The following TMEM108 variants were observed in gnomAD, a reference collection of about 807,000 sequenced individuals.
TMEM108 encodes the protein transmembrane protein 108, also known as cancer/testis antigen 124.
A neutral mutation model predicts 35.1 loss-of-function variants in TMEM108; 12 were observed. The ratio of observed to expected loss-of-function variants is 0.34; its 90% confidence interval spans 0.22 to 0.55. TMEM108 has a LOEUF of 0.55. Ranked by LOEUF, TMEM108 falls within the 20% of genes least tolerant of loss-of-function variation. The pLI is 0.89. For synonymous variants in TMEM108, 287 were observed against 308.6 expected, an observed-to-expected ratio of 0.93 and a Z score of 0.73; for missense variants, 680 against 753.3, an observed-to-expected ratio of 0.90 and a Z score of 1.14.
intron 3 of TMEM108, chr3:133,247,956 C>A (rs920059704): frequency 2.0e-5 from 3 of 152,100 alleles, no homozygotes; most frequent in Non-Finnish European, 4.4e-5. Flanking sequence ...AGCATAATTT[C>A]TTCTCTCCAA....
intron 2 of TMEM108, among the ~76,000 whole-genome samples, chr3:133,150,919 A>G (rs1944790646): frequency 6.6e-6 from 1 of 152,064 alleles, no homozygotes; most frequent in Non-Finnish European, 1.5e-5. Flanking sequence ...GGCTTATACA[A>G]CATTTCCTGG....
At chr3:133,278,193 T>G (rs1338312884) in intron 3 of TMEM108, among the ~76,000 whole-genome samples, 1 of 152,054 alleles carries the variant, frequency 6.6e-6, no homozygotes, top group Non-Finnish European at 1.5e-5. Flanking sequence ...ACATGGGAAG[T>G]AAAAGTAAAG....
chr3:133,131,443 T>TA, intron 2 of TMEM108, among the ~76,000 whole-genome samples: 1 of 150,736 alleles, frequency 6.6e-6, no homozygotes, highest in Middle Eastern at 3.4e-3. Flanking sequence ...ATTTTGGTAA[T>TA]ACAATATTTC....
intron 2 of TMEM108, among the ~76,000 whole-genome samples, chr3:133,212,670 C>T (rs376296606): frequency 6.6e-6 from 1 of 151,880 alleles, no homozygotes; most frequent in Non-Finnish European, 1.5e-5. Context: ...AGTTCAAGAC[C>T]AGCTTGGGCA....
intron 2 of TMEM108, among the ~76,000 whole-genome samples, chr3:133,223,889 A>C (rs978436712): frequency 6.6e-6 from 1 of 152,240 alleles, no homozygotes; most frequent in Non-Finnish European, 1.5e-5. Context: ...CCTAATTAAG[A>C]TTAATTTTTA....
chr3:133,385,442 G>A (rs952907860), intron 4 of TMEM108, among the ~76,000 whole-genome samples: 6 of 152,092 alleles, frequency 3.9e-5, no homozygotes, highest in South Asian at 2.1e-4. Flanking sequence ...GCACATTCCC[G>A]CCTGCCAGGC....
chr3:133,090,706 G>A (rs1451918600), intron 2 of TMEM108, among the ~76,000 whole-genome samples: 5 of 152,126 alleles, frequency 3.3e-5, no homozygotes, highest in Non-Finnish European at 7.4e-5. Flanking sequence ...TAGCAGTTTG[G>A]AGTTTTTCCT....
At chr3:133,118,793 G>C (rs372818522) in intron 2 of TMEM108, among the ~76,000 whole-genome samples, 8 of 152,178 alleles carry the variant, frequency 5.3e-5, no homozygotes, top group African/African-American at 1.9e-4. Context: ...CAGATGCCAG[G>C]GTGTTTCAGT....
chr3:133,082,854 C>G (rs1245513587), intron 2 of TMEM108, among the ~76,000 whole-genome samples: 1 of 152,090 alleles, frequency 6.6e-6, no homozygotes, highest in Non-Finnish European at 1.5e-5. Flanking sequence ...AGGTCTCCCT[C>G]TATCGTCCAG....
intron 2 of TMEM108, among the ~76,000 whole-genome samples, chr3:133,114,892 A>C (rs1372535873): frequency 6.6e-6 from 1 of 152,162 alleles, no homozygotes; most frequent in Non-Finnish European, 1.5e-5. Flanking sequence ...CACCCCAGAA[A>C]AGTAGTAGCT....
At chr3:133,269,866 C>T (rs1946747006) in intron 3 of TMEM108, among the ~76,000 whole-genome samples, 1 of 152,110 alleles carries the variant, frequency 6.6e-6, no homozygotes, top group Non-Finnish European at 1.5e-5. Context: ...GCAATTGTAC[C>T]ACCCCATCCT....
chr3:133,187,394 G>A (rs1038395403), intron 2 of TMEM108, among the ~76,000 whole-genome samples: 1 of 152,148 alleles, frequency 6.6e-6, no homozygotes, highest in Non-Finnish European at 1.5e-5. Context: ...GCAGGGTTGA[G>A]AAGTAGCAGG....
In TMEM108 at chr3:133,296,975, G is replaced by C. The variant is rs116315746; in HGVS notation, c.40+67624G>C. On this transcript the variant is annotated intron_variant, in intron 3 of 5. Coordinates refer to ENST00000321871, the MANE Select transcript of TMEM108 (RefSeq NM_023943.4). ...TGGTTGGGGGGATGGTGGTGGTCTA[G>C]TCCCCAGATAACCAGTCAAGACAAT... Among the ~76,000 whole-genome samples, 1,250 of 152,230 alleles carry C rather than the reference G, an allele frequency of 8.2e-3. 18 individuals carry two copies. Among genetic ancestry groups the C allele is most frequent in the African/African-American group, 0.028 (1,170 of 41,536 alleles).
At chr3:133,352,464 G>A (rs924914114) in intron 3 of TMEM108, among the ~76,000 whole-genome samples, 1 of 152,162 alleles carries the variant, frequency 6.6e-6, no homozygotes, top group Non-Finnish European at 1.5e-5. Flanking sequence ...GATCCCATAA[G>A]TTAAGAGCTC....
At chr3:133,054,095 T>G (rs928515321) in intron 2 of TMEM108, among the ~76,000 whole-genome samples, 4 of 152,156 alleles carry the variant, frequency 2.6e-5, no homozygotes, top group Non-Finnish European at 4.4e-5. Flanking sequence ...CCCACTGGGG[T>G]AGAGCAGTGC....
chr3:133,067,809 G>C (rs1943628815), intron 2 of TMEM108, among the ~76,000 whole-genome samples: 1 of 152,098 alleles, frequency 6.6e-6, no homozygotes, highest in South Asian at 2.1e-4. Context: ...TCAGTTTTGT[G>C]CTGCTGTAAC....
chr3:133,106,198 T>G (rs1944150554), intron 2 of TMEM108, among the ~76,000 whole-genome samples: 2 of 151,104 alleles, frequency 1.3e-5, no homozygotes, highest in Admixed American at 1.3e-4. Context: ...TTTTTTTTTT[T>G]TGGCTTAAAG....
intron 1 of TMEM108, among the ~76,000 whole-genome samples, 200 bp downstream of exon 1, chr3:133,038,635 G>A (rs1445232689): frequency 6.6e-6 from 1 of 152,190 alleles, no homozygotes; most frequent in Non-Finnish European, 1.5e-5. Flanking sequence ...CCCACTGCGT[G>A]ACGGGTCTGC....
At chr3:133,309,902 G>C in intron 3 of TMEM108, among the ~76,000 whole-genome samples, 1 of 151,664 alleles carries the variant, frequency 6.6e-6, no homozygotes, top group East Asian at 1.9e-4. Flanking sequence ...GGGTTTCACC[G>C]TTTTAGCCGG....
Sources: allele counts gnomAD v4.1 joint callset (sites outside exome capture counted in the v4.1 genomes callset), GRCh38; gene constraint gnomAD v4.1.1; transcripts MANE v1.5; gene names NCBI Gene and HGNC (gene_info 2026-07-23, HGNC 2026-07-21).